The following KCTD8 variants were observed in gnomAD, a reference collection of about 807,000 sequenced individuals.
KCTD8 encodes the protein BTB/POZ domain-containing protein KCTD8.
Under a neutral mutation model 31.5 loss-of-function variants are expected in KCTD8, and 27 were observed. That is an observed-to-expected ratio of 0.86 (90% CI 0.63 to 1.18). The LOEUF is 1.18. Among genes scored for constraint, KCTD8 ranks in the 50% most tolerant of loss-of-function variants. The probability of loss-of-function intolerance (pLI) is 0.00; values close to 1 mark genes in which losing one functional copy is unlikely to be tolerated. For missense variants in KCTD8, 658 were observed against 647.7 expected, an observed-to-expected ratio of 1.02 and a Z score of -0.17; for synonymous variants, 290 against 280.0, an observed-to-expected ratio of 1.04 and a Z score of -0.36.
intron 1 of KCTD8, among the ~76,000 whole-genome samples, chr4:44,187,743 A>C (rs1713629219): frequency 6.6e-6 from 1 of 152,180 alleles, no homozygotes. Context: ...TGTCTCTACA[A>C]CATGTCTGGT....
At chr4:44,209,553 A>G (rs1025674984) in intron 1 of KCTD8, among the ~76,000 whole-genome samples, 1 of 151,662 alleles carries the variant, frequency 6.6e-6, no homozygotes, top group African/African-American at 2.4e-5. Flanking sequence ...CCCCACCCAC[A>G]TACACACAGA....
chr4:44,246,775 G>C (rs1183483853), intron 1 of KCTD8, among the ~76,000 whole-genome samples: 4 of 151,956 alleles, frequency 2.6e-5, no homozygotes, highest in African/African-American at 7.2e-5. Context: ...TATGAAGACT[G>C]CTGCCAAATC....
chr4:44,432,481 C>T (rs539426186), intron 1 of KCTD8, among the ~76,000 whole-genome samples: 2 of 151,638 alleles, frequency 1.3e-5, no homozygotes, highest in South Asian at 4.1e-4. Context: ...AGCACTATTC[C>T]CCAGAGATCT....
chr4:44,401,755 G>A (rs149408406), intron 1 of KCTD8, among the ~76,000 whole-genome samples: 4 of 152,152 alleles, frequency 2.6e-5, no homozygotes, highest in South Asian at 2.1e-4. Context: ...TTAAACAAAC[G>A]GCAGCAGCTA....
chr4:44,363,017 A>C (rs1719540224), intron 1 of KCTD8, among the ~76,000 whole-genome samples: 1 of 152,110 alleles, frequency 6.6e-6, no homozygotes, highest in Non-Finnish European at 1.5e-5. Flanking sequence ...ATATGGCTTT[A>C]AATTATTTTT....
chr4:44,448,633 C>T lies in KCTD8; in HGVS notation c.-110G>A, dbSNP rs1228246306. Reference sequence around the variant, plus strand: ...TGGCGCTCTGCGCCCTCGGACTGGGCGGCGCGTTCCTCCGACCGGGGCGGC... The same window carrying T: ...TGGCGCTCTGCGCCCTCGGACTGGGTGGCGCGTTCCTCCGACCGGGGCGGC... On this transcript the variant is annotated 5_prime_UTR_variant, in exon 1 of 2. Coordinates refer to ENST00000360029, the MANE Select transcript of KCTD8 (RefSeq NM_198353.3). This position sits in a 1 kb window ranked among gnomAD's most constrained non-coding sequence, Gnocchi z 4.1. 9.4e-6 allele frequency: 11 copies of T among 1,174,678 alleles called. No individual in the cohort carries two copies. The African/African-American group carries it at 1.6e-4, about 17-fold the overall frequency. The allele number at this position is 1,174,678 out of a possible 1,614,324, so 72.8% of individuals were successfully genotyped here.
chr4:44,258,726 T>G (rs914922821), intron 1 of KCTD8, among the ~76,000 whole-genome samples: 3 of 151,970 alleles, frequency 2.0e-5, no homozygotes, highest in African/African-American at 7.2e-5. Context: ...TTCCACTTTT[T>G]AAAATCCAAA....
At chr4:44,382,620 C>T (rs1377947166) in intron 1 of KCTD8, among the ~76,000 whole-genome samples, 1 of 151,826 alleles carries the variant, frequency 6.6e-6, no homozygotes, top group Non-Finnish European at 1.5e-5. Flanking sequence ...ATCCCAGCTA[C>T]TCAGAAGGCT....
At chr4:44,358,368 C>G (rs574906109) in intron 1 of KCTD8, among the ~76,000 whole-genome samples, 2 of 151,970 alleles carry the variant, frequency 1.3e-5, no homozygotes, top group African/African-American at 4.8e-5. Context: ...CATGTGCATG[C>G]GTCTTTATAG....
intron 1 of KCTD8, among the ~76,000 whole-genome samples, chr4:44,344,721 G>A (rs140766760): frequency 2.4e-3 from 373 of 152,254 alleles, no homozygotes; most frequent in Middle Eastern, 6.8e-3. Flanking sequence ...TGGCCAAGGA[G>A]TTGATTCACA....
chr4:44,256,377 A>G (rs1220389080), intron 1 of KCTD8, among the ~76,000 whole-genome samples: 1 of 152,046 alleles, frequency 6.6e-6, no homozygotes, highest in Non-Finnish European at 1.5e-5. Context: ...TGATATATAC[A>G]TATATTTGTA....
chr4:44,380,090 T>A (rs946739402), intron 1 of KCTD8, among the ~76,000 whole-genome samples: 3 of 151,828 alleles, frequency 2.0e-5, no homozygotes, highest in African/African-American at 7.3e-5. Context: ...TCCTAAAGAG[T>A]CACACTTAAT....
chr4:44,403,200 AG>A, intron 1 of KCTD8, among the ~76,000 whole-genome samples: 2 of 138,204 alleles, frequency 1.4e-5, no homozygotes, highest in African/African-American at 5.1e-5. Flanking sequence ...TGAGCAAAAT[AG>A]AATTTGTCAA....
chr4:44,333,318 T>C (rs1030453912), intron 1 of KCTD8, among the ~76,000 whole-genome samples: 2 of 152,118 alleles, frequency 1.3e-5, no homozygotes, highest in South Asian at 2.1e-4. Context: ...AAGAATATCA[T>C]GCACTTTAAT....
At chr4:44,337,413 C>T (rs1718777872) in intron 1 of KCTD8, among the ~76,000 whole-genome samples, 3 of 151,964 alleles carry the variant, frequency 2.0e-5, no homozygotes, top group South Asian at 4.1e-4. Context: ...CGGTGGTTCA[C>T]GCCTGTAATC....
chr4:44,230,033 G>A (rs114775408), intron 1 of KCTD8, among the ~76,000 whole-genome samples: 4,650 of 151,720 alleles, frequency 0.031, 245 homozygotes, highest in African/African-American at 0.11. Flanking sequence ...TGTGTTCTAA[G>A]GCCTTATTAA....
At chr4:44,318,387 T>C (rs1373706733) in intron 1 of KCTD8, among the ~76,000 whole-genome samples, 2 of 152,156 alleles carry the variant, frequency 1.3e-5, no homozygotes, top group African/African-American at 4.8e-5. Context: ...CATGCTACAA[T>C]GCCTGGCTTG....
intron 1 of KCTD8, among the ~76,000 whole-genome samples, chr4:44,363,746 C>A (rs1397071862): frequency 6.6e-6 from 1 of 152,052 alleles, no homozygotes; most frequent in Non-Finnish European, 1.5e-5. Flanking sequence ...ACTCAGATAG[C>A]TAAACATTCA....
intron 1 of KCTD8, among the ~76,000 whole-genome samples, chr4:44,309,259 G>A (rs150696766): frequency 1.5e-4 from 23 of 151,650 alleles, no homozygotes; most frequent in South Asian, 6.2e-4. Context: ...AGGCAGTCTC[G>A]AACTCCTGAG....
Sources: allele counts gnomAD v4.1 joint callset (sites outside exome capture counted in the v4.1 genomes callset), GRCh38; gene constraint gnomAD v4.1.1; non-coding constraint Gnocchi (gnomAD v3.1); transcripts MANE v1.5; gene names NCBI Gene and HGNC (gene_info 2026-07-23, HGNC 2026-07-21).